WDR49: variants seen among roughly 807,000 people sequenced by gnomAD.
WDR49 encodes the protein cilia- and flagella-associated protein 337.
Under a neutral mutation model 119.5 loss-of-function variants are expected in WDR49, and 107 were observed. That is an observed-to-expected ratio of 0.90 (90% CI 0.77 to 1.05). The LOEUF is 1.05. Among genes scored for constraint, WDR49 ranks in the 50% least tolerant of loss-of-function variants. The pLI is 0.00. For missense variants in WDR49, 1,240 were observed against 1,220.5 expected, an observed-to-expected ratio of 1.02 and a Z score of -0.24; for synonymous variants, 425 against 418.8, an observed-to-expected ratio of 1.01 and a Z score of -0.18.
upstream of WDR49, among the ~76,000 whole-genome samples, chr3:167,657,854 T>C (rs1718641695): frequency 6.6e-6 from 1 of 152,194 alleles, no homozygotes; most frequent in South Asian, 2.1e-4. Flanking sequence ...CCTCATGCCT[T>C]CCAGCAAAGC....
At chr3:167,602,385 G>A in intron 6 of WDR49, 110 bp from the exon 7 acceptor site, 3 of 963,330 alleles carry the variant, frequency 3.1e-6, no homozygotes, top group Non-Finnish European at 4.4e-6. Flanking sequence ...AATGTCAACT[G>A]TAGGTTGACT....
At chr3:167,489,066 T>C (rs890068215) in intron 18 of WDR49, among the ~76,000 whole-genome samples, 56 of 152,104 alleles carry the variant, frequency 3.7e-4, no homozygotes, top group African/African-American at 1.3e-3. Context: ...TCTTAGCTCT[T>C]ATCAATATCA....
At chr3:167,488,751 C>T (rs796544837) in intron 18 of WDR49, among the ~76,000 whole-genome samples, 4 of 152,148 alleles carry the variant, frequency 2.6e-5, no homozygotes, top group African/African-American at 9.6e-5. Context: ...GAAGGCTTCC[C>T]TTTATACTTA....
At chr3:167,480,548 G>C (rs982926574) in intron 18 of WDR49, among the ~76,000 whole-genome samples, 1 of 152,078 alleles carries the variant, frequency 6.6e-6, no homozygotes. Flanking sequence ...ATAGACCTTG[G>C]CTACAAAAGT....
chr3:167,614,322 C>A (rs761258759), intron 5 of WDR49, among the ~76,000 whole-genome samples: 18 of 152,290 alleles, frequency 1.2e-4, no homozygotes, highest in Non-Finnish European at 2.5e-4. Flanking sequence ...TGGTCTCCAA[C>A]TCCTGACCTC....
intron 2 of WDR49, among the ~76,000 whole-genome samples, chr3:167,649,159 A>G (rs545076644): frequency 2.0e-5 from 3 of 152,234 alleles, no homozygotes; most frequent in African/African-American, 7.2e-5. Context: ...AGGAAGATAT[A>G]AGAATAGTTT....
chr3:167,535,182 C>T (rs543517926), intron 11 of WDR49, among the ~76,000 whole-genome samples: 1 of 152,194 alleles, frequency 6.6e-6, no homozygotes, highest in South Asian at 2.1e-4. Flanking sequence ...CAGCCAGGCA[C>T]AGGAGCTGAT....
At chr3:167,591,673 A>G (rs539013430) in intron 7 of WDR49, among the ~76,000 whole-genome samples, 23 of 152,100 alleles carry the variant, frequency 1.5e-4, no homozygotes, top group African/African-American at 5.3e-4. Context: ...TGTCCCTTAT[A>G]GGTTTGGCCT....
chr3:167,530,042 G>A lies in WDR49; in HGVS notation c.2219-803C>T, dbSNP rs1752789173. On this transcript the variant is annotated intron_variant, in intron 13 of 18. Transcript: ENST00000682715. The stretch of plus-strand genomic sequence containing the variant: ...CTGATAACATTAAAATTAGTATTGA[G>A]GAAATGAGAGTAATTTCAGGATAAT... Among the ~76,000 whole-genome samples the A allele has an allele frequency of 2.0e-5, 3 of 151,932 alleles. No individual in the cohort carries two copies. In the South Asian group the frequency reaches 6.2e-4, roughly 32 times the overall value.
chr3:167,523,553 C>G (rs532557618), intron 15 of WDR49, among the ~76,000 whole-genome samples: 1 of 152,098 alleles, frequency 6.6e-6, no homozygotes, highest in East Asian at 1.9e-4. Context: ...CCCTTTCCCC[C>G]ACCCCGCAAC....
intron 9 of WDR49, among the ~76,000 whole-genome samples, 186 bp from the exon 10 acceptor site, chr3:167,554,984 A>T (rs946405124): frequency 6.6e-6 from 1 of 152,166 alleles, no homozygotes; most frequent in Non-Finnish European, 1.5e-5. Flanking sequence ...TTCTCGGCAC[A>T]ATAACTTTTA....
At chr3:167,584,384 A>T (rs1474196334) in intron 7 of WDR49, among the ~76,000 whole-genome samples, 1 of 152,166 alleles carries the variant, frequency 6.6e-6, no homozygotes, top group African/African-American at 2.4e-5. Context: ...TACCAAACTT[A>T]ATGAAATTTC....
chr3:167,492,136 G>A (rs1751160132), intron 18 of WDR49, among the ~76,000 whole-genome samples: 1 of 147,984 alleles, frequency 6.8e-6, no homozygotes, highest in Non-Finnish European at 1.5e-5. Context: ...AAATATATTG[G>A]TAATTGAAGT....
chr3:167,600,532 G>T (rs1188838706), intron 7 of WDR49, among the ~76,000 whole-genome samples: 1 of 152,044 alleles, frequency 6.6e-6, no homozygotes. Context: ...TAAATTTGGT[G>T]TTCCTATTGG....
At chr3:167,633,280 T>C (rs1577291190) in intron 2 of WDR49, 1 of 364,760 alleles carries the variant, frequency 2.7e-6, no homozygotes, top group Non-Finnish European at 5.4e-6. Context: ...CTATGACTAT[T>C]ACCATCATAG....
intron 7 of WDR49, among the ~76,000 whole-genome samples, chr3:167,577,192 A>C (rs1036740809): frequency 6.6e-6 from 1 of 152,070 alleles, no homozygotes; most frequent in Non-Finnish European, 1.5e-5. Context: ...CTATTTTCTC[A>C]TGGCTCCCTT....
At chr3:167,494,309 A>T (rs1751262289) in intron 18 of WDR49, among the ~76,000 whole-genome samples, 1 of 152,218 alleles carries the variant, frequency 6.6e-6, no homozygotes, top group Non-Finnish European at 1.5e-5. Flanking sequence ...TGCTGCCTTC[A>T]GTCTAGCCCC....
chr3:167,575,318 G>C, intron 8 of WDR49: 1 of 984,432 alleles, frequency 1.0e-6, no homozygotes, highest in Non-Finnish European at 1.2e-6. Context: ...TCTGCTCCAG[G>C]GGAGCCCTGC....
At chr3:167,568,719 A>G (rs1192976695) in intron 8 of WDR49, among the ~76,000 whole-genome samples, 1 of 152,158 alleles carries the variant, frequency 6.6e-6, no homozygotes, top group African/African-American at 2.4e-5. Context: ...GAGTTCCATG[A>G]TATTATTCAA....
Sources: gnomAD v4.1 joint callset for allele counts (sites outside exome capture counted in the v4.1 genomes callset) on GRCh38, gnomAD v4.1.1 for gene constraint, MANE v1.5 for transcripts, NCBI Gene and HGNC (gene_info 2026-07-23, HGNC 2026-07-21) for gene names.